The following FBXL7 variants were observed in gnomAD, a reference collection of about 807,000 sequenced individuals.
The protein encoded by FBXL7 is F-box and leucine rich repeat protein 7, also known as F-box/LRR-repeat protein 7.
Under a neutral mutation model 38.3 loss-of-function variants are expected in FBXL7, and 12 were observed. The ratio of observed to expected loss-of-function variants is 0.31; its 90% confidence interval spans 0.20 to 0.51. FBXL7 has a LOEUF of 0.51. Among genes scored for constraint, FBXL7 ranks in the 20% least tolerant of loss-of-function variants. FBXL7 has a pLI of 0.98. For synonymous variants in FBXL7, 297 were observed against 300.9 expected, an observed-to-expected ratio of 0.99 and a Z score of 0.13; for missense variants, 567 against 676.4, an observed-to-expected ratio of 0.84 and a Z score of 1.79.
At chr5:15,815,858 T>C (rs1230383025) in intron 2 of FBXL7, among the ~76,000 whole-genome samples, 1 of 152,186 alleles carries the variant, frequency 6.6e-6, no homozygotes, top group Non-Finnish European at 1.5e-5. Flanking sequence ...TAGATTAATT[T>C]GTAGTATGTT....
chr5:15,575,394 G>A (rs1053060089), intron 1 of FBXL7, among the ~76,000 whole-genome samples: 3 of 152,122 alleles, frequency 2.0e-5, no homozygotes, highest in Non-Finnish European at 4.4e-5. Context: ...TCTTTGACGA[G>A]CGCAACAGGG....
chr5:15,604,116 G>A lies in FBXL7; in HGVS notation c.38-11867G>A, dbSNP rs574172450. Among the ~76,000 whole-genome samples the A allele has an allele frequency of 1.4e-4, 21 of 152,182 alleles. No individual in the cohort carries two copies. In the East Asian group the frequency reaches 3.5e-3, roughly 25 times the overall value. ...CAGAAGGTAGAGGTTGCAGTGAGGC[G>A]AGATCATACCACTGCACTGCAGCCT... is the stretch of plus-strand genomic sequence containing the variant. On this transcript the variant is annotated intron_variant, in intron 1 of 3. Coordinates refer to ENST00000504595, the MANE Select transcript of FBXL7 (RefSeq NM_012304.5).
At chr5:15,523,280 T>C (rs1737151452) in intron 1 of FBXL7, among the ~76,000 whole-genome samples, 1 of 152,174 alleles carries the variant, frequency 6.6e-6, no homozygotes, top group African/African-American at 2.4e-5. Flanking sequence ...CATAGTAGGC[T>C]GGGTGCGGTG....
chr5:15,698,279 C>A (rs1411316398), intron 2 of FBXL7, among the ~76,000 whole-genome samples: 2 of 152,126 alleles, frequency 1.3e-5, no homozygotes, highest in African/African-American at 4.8e-5. Context: ...ATCCCAGTAG[C>A]CATCACCTAA....
intron 2 of FBXL7, among the ~76,000 whole-genome samples, chr5:15,691,799 C>T (rs1164459873): frequency 6.6e-6 from 1 of 152,138 alleles, no homozygotes; most frequent in Non-Finnish European, 1.5e-5. Flanking sequence ...ATCATTTCAT[C>T]ATCTTCTGAG....
Position 15,500,568 on chromosome 5 carries a change from G to T in FBXL7, c.-109G>T, listed in dbSNP as rs1340491764. On this transcript the variant is annotated 5_prime_UTR_variant, in exon 1 of 4. Coordinates refer to ENST00000504595, the MANE Select transcript of FBXL7 (RefSeq NM_012304.5). ...GAGGTCGGCCCCGGAGCTTGGGGGG[G>T]ATGTGCAGCTAACGGTCCCGTCGGG... 2.0e-6 allele frequency: 3 copies of T among 1,467,956 alleles called. No homozygotes were observed. The highest frequency in any genetic ancestry group is 1.4e-5 in the African/African-American group (1 of 72,034). The allele number at this position is 1,467,956 out of a possible 1,614,324, so 90.9% of individuals were successfully genotyped here. A position where few individuals can be genotyped will look rare whatever the true frequency, so the allele number is the denominator to read the frequency against.
chr5:15,841,685 G>T (rs1414812331), intron 2 of FBXL7, among the ~76,000 whole-genome samples: 1 of 152,158 alleles, frequency 6.6e-6, no homozygotes, highest in African/African-American at 2.4e-5. Context: ...CAGGTCCAGG[G>T]ACCCCTTGCT....
chr5:15,695,315 A>C (rs1743301381), intron 2 of FBXL7, among the ~76,000 whole-genome samples: 1 of 152,028 alleles, frequency 6.6e-6, no homozygotes, highest in African/African-American at 2.4e-5. Flanking sequence ...AAGGAAATAG[A>C]AGCCAGCAGG....
intron 2 of FBXL7, among the ~76,000 whole-genome samples, chr5:15,807,683 C>T (rs200823194): frequency 1.3e-5 from 2 of 148,506 alleles, no homozygotes; most frequent in East Asian, 2.0e-4. Flanking sequence ...TTTTTCTTTT[C>T]TTTTTTTTTT....
intron 2 of FBXL7, among the ~76,000 whole-genome samples, chr5:15,709,803 A>G (rs917349637): frequency 1.3e-5 from 2 of 152,188 alleles, no homozygotes; most frequent in Admixed American, 6.5e-5. Flanking sequence ...CAGATTTGGT[A>G]TCTGCTGAGA....
intron 3 of FBXL7, among the ~76,000 whole-genome samples, chr5:15,931,074 G>A (rs1200097161): frequency 6.6e-6 from 1 of 152,204 alleles, no homozygotes; most frequent in African/African-American, 2.4e-5. Context: ...TCCCTAGCAT[G>A]CAGAAAATGC....
chr5:15,604,293 C>T (rs1409233481), intron 1 of FBXL7, among the ~76,000 whole-genome samples: 1 of 152,068 alleles, frequency 6.6e-6, no homozygotes, highest in African/African-American at 2.4e-5. Flanking sequence ...CTAAGAAAAC[C>T]CTTCTCCACC....
intron 2 of FBXL7, among the ~76,000 whole-genome samples, chr5:15,832,691 G>C (rs749954240): frequency 3.2e-4 from 49 of 152,196 alleles, no homozygotes; most frequent in Non-Finnish European, 6.5e-4. Flanking sequence ...GAGGAACCAA[G>C]GCAATAAGAG....
chr5:15,936,346 C>T lies in FBXL7; in HGVS notation c.740-104C>T, dbSNP rs1365641913. The T allele has an allele frequency of 5.0e-6, 7 of 1,406,850 alleles. No homozygotes were observed. The highest frequency in any genetic ancestry group is 1.4e-5 in the African/African-American group (1 of 70,274). 87.1% of individuals were successfully genotyped at this position (1,406,850 alleles called of 1,614,324 possible). On this transcript the variant is annotated intron_variant, in intron 3 of 3. Coordinates refer to ENST00000504595, the MANE Select transcript of FBXL7 (RefSeq NM_012304.5). The surrounding 1 kb of genome is among the most constrained non-coding windows in gnomAD (Gnocchi z 6.0). ...AGACAGGAAAGGGTAACATCAGCCT[C>T]GGACCCAGACTTGGGCGAGGGTCAG...
rs1430797556 is a variant in FBXL7, at chr5:15,651,100, C to CTT, written c.127+35041_127+35042dup. 5.5e-4 allele frequency among the ~76,000 whole-genome samples: 70 copies of CTT among 128,322 alleles called. 1 individual carries two copies. The highest frequency in any genetic ancestry group is 1.1e-3 in the African/African-American group (41 of 35,750). 84.2% of individuals were successfully genotyped at this position (128,322 alleles called of 152,430 possible). On this transcript the variant is annotated intron_variant, in intron 2 of 3. Coordinates refer to ENST00000504595, the MANE Select transcript of FBXL7 (RefSeq NM_012304.5). Reference sequence around the variant, plus strand: ...ACAAAACATACTTCTTTTTTTTTTTCTTTTTTTTTTTTTTGTGATGATGTC... The same window carrying CTT: ...ACAAAACATACTTCTTTTTTTTTTTCTTTTTTTTTTTTTTTTGTGATGATGTC...
chr5:15,531,932 AGT>A (rs1333304983), intron 1 of FBXL7, among the ~76,000 whole-genome samples: 1 of 152,206 alleles, frequency 6.6e-6, no homozygotes, highest in Non-Finnish European at 1.5e-5. Flanking sequence ...CAGGATTAAG[AGT>A]GTGTGATCAT....
chr5:15,527,581 T>C (rs1737288821), intron 1 of FBXL7, among the ~76,000 whole-genome samples: 1 of 152,238 alleles, frequency 6.6e-6, no homozygotes, highest in Non-Finnish European at 1.5e-5. Context: ...AAATATTTAC[T>C]GTAAAACATT....
intron 2 of FBXL7, among the ~76,000 whole-genome samples, chr5:15,752,168 G>A (rs1473859541): frequency 1.3e-5 from 1 of 75,804 alleles, no homozygotes; most frequent in Non-Finnish European, 3.4e-5. Context: ...ATTGCAGGGG[G>A]CTAGGAGGGA....
chr5:15,577,751 G>A (rs1294818646), intron 1 of FBXL7, among the ~76,000 whole-genome samples: 1 of 152,056 alleles, frequency 6.6e-6, no homozygotes, highest in Non-Finnish European at 1.5e-5. Context: ...TTTTGCAAAT[G>A]TAGTCCATTG....
Sources: allele counts gnomAD v4.1 joint callset (sites outside exome capture counted in the v4.1 genomes callset), GRCh38; gene constraint gnomAD v4.1.1; non-coding constraint Gnocchi (gnomAD v3.1); transcripts MANE v1.5; gene names NCBI Gene and HGNC (gene_info 2026-07-23, HGNC 2026-07-21).